Variants in SLC2A6 observed in about 807,000 individuals in gnomAD.
The protein encoded by SLC2A6 is solute carrier family 2, facilitated glucose transporter member 6.
A neutral mutation model predicts 47.8 loss-of-function variants in SLC2A6; 39 were observed. The ratio of observed to expected loss-of-function variants is 0.82; its 90% CI spans 0.63 to 1.07. The LOEUF (loss-of-function observed/expected upper bound fraction) is 1.07. SLC2A6 is among the 50% of genes least tolerant of loss of function. The pLI is 0.00. For synonymous variants in SLC2A6, 346 were observed against 324.1 expected, an observed-to-expected ratio of 1.07 and a Z score of -0.73; for missense variants, 650 against 707.6, an observed-to-expected ratio of 0.92 and a Z score of 0.92.
At chr9:133,478,675 G>C in intron 1 of SLC2A6, 1 of 592,730 alleles carries the variant, frequency 1.7e-6, no homozygotes, top group East Asian at 2.9e-5. Context: ...TGCCCCCAGG[G>C]CGGCGGCTGG....
intron 1 of SLC2A6, 120 bp from the exon 2 acceptor site, chr9:133,478,536 A>G (rs1186209318): frequency 3.6e-6 from 4 of 1,122,686 alleles, no homozygotes; most frequent in Non-Finnish European, 5.1e-6. Flanking sequence ...GCCTGGGTCC[A>G]AGGCCATTCA....
Position 133,473,566 on chromosome 9 carries a change from C to A in SLC2A6, c.1071G>T (p.Gly357=). 2 of 1,553,998 alleles carry A rather than the reference C, an allele frequency of 1.3e-6. No individual in the cohort carries two copies. Among genetic ancestry groups the A allele is most frequent in the Admixed American group, 1.9e-5 (1 of 51,618 alleles). Residue 357 remains glycine (G), a synonymous_variant, in exon 8 of 10, where the codon GGG becomes GGT. Transcript: ENST00000371899. ...AIMFAANLTL[G]LYIHFGPRPL... ...GCCTGGGGCCAAAGTGGATGTACAGCCCCAGAGTCAGGTTGGCAGCAAACA... is the reference window on the plus strand; with the variant it reads ...GCCTGGGGCCAAAGTGGATGTACAGACCCAGAGTCAGGTTGGCAGCAAACA...
intron 6 of SLC2A6, among the ~76,000 whole-genome samples, chr9:133,474,577 T>C (rs1037765110): frequency 6.6e-6 from 1 of 152,190 alleles, no homozygotes; most frequent in Non-Finnish European, 1.5e-5. Flanking sequence ...TTATTTAATT[T>C]TTAAAATTTC....
Position 133,478,666 on chromosome 9 carries a change from G to A in SLC2A6, c.93-250C>T, listed in dbSNP as rs929622787. On this transcript the variant is annotated intron_variant, in intron 1 of 9. Transcript: ENST00000371899. The stretch of plus-strand genomic sequence containing the variant: ...CTCCGGAAGAGGAGGCTCTGGTTCT[G>A]CCCCCAGGGCGGCGGCTGGAGGCTT... The A allele has an allele frequency of 5.0e-6, 3 of 595,180 alleles. No homozygotes were observed. In the South Asian group the frequency reaches 6.6e-5, roughly 13 times the overall value. 36.9% of individuals were successfully genotyped at this position (595,180 alleles called of 1,614,324 possible). A position where few individuals can be genotyped will look rare whatever the true frequency, so the allele number is the denominator to read the frequency against.
Position 133,474,041 on chromosome 9 carries a change from G to T in SLC2A6, c.975C>A (p.Ser325=). ...CCATGGTGAGGGCGGCGATCAGCAC[G>T]GACAGGAGCCGCACGGCCCCAACGA... The part of the protein sequence containing the change: ...AAIVGAVRLL[S]VLIAALTMDL... The change falls in exon 7 of 10, where the codon TCC becomes TCA. Residue 325 remains serine (S), a synonymous_variant. Coordinates refer to ENST00000371899, the MANE Select transcript of SLC2A6 (RefSeq NM_017585.4). The T allele has an allele frequency of 6.2e-7, 1 of 1,610,690 alleles. No individual in the cohort carries two copies. Among genetic ancestry groups the T allele is most frequent in the Non-Finnish European group, 8.5e-7 (1 of 1,179,028 alleles).
At chr9:133,472,233 C>T in intron 9 of SLC2A6, 57 bp from the exon 10 acceptor site, 1 of 1,591,170 alleles carries the variant, frequency 6.3e-7, no homozygotes, top group Non-Finnish European at 8.6e-7. Flanking sequence ...CCTCCTGCCC[C>T]AGAGGAGCTC....
intron 1 of SLC2A6, 78 bp from the exon 2 acceptor site, chr9:133,478,494 G>T: frequency 6.5e-7 from 1 of 1,543,406 alleles, no homozygotes; most frequent in Non-Finnish European, 8.9e-7. Context: ...TGAACCCAGT[G>T]GCTGCCCGGC....
chr9:133,472,220 G>A (rs1554801822), intron 9 of SLC2A6, 44 bp from the exon 10 acceptor site: 1 of 1,604,654 alleles, frequency 6.2e-7, no homozygotes, highest in Non-Finnish European at 8.5e-7. Context: ...GAAGCTCCAG[G>A]GTCCTCCTGC....
intron 1 of SLC2A6, 112 bp downstream of exon 1, chr9:133,478,856 C>A: frequency 1.1e-6 from 1 of 909,390 alleles, no homozygotes; most frequent in South Asian, 1.6e-5. Flanking sequence ...CCAGATGGCC[C>A]CTCGGTGGCG....
At position 133,473,215 on chromosome 9, in the gene SLC2A6, G is replaced by C. The variant is rs1049803496; in HGVS notation, c.1258C>G (p.Leu420Val). 6.3e-7 allele frequency: 1 copy of C among 1,596,834 alleles called. No individual in the cohort carries two copies. The highest frequency in any genetic ancestry group is 8.5e-7 in the Non-Finnish European group (1 of 1,172,718). ...CGCAGGGGCAGGACCTCAGACATGA[G>C]CAGCCAGGTGATGGGACCCCAGCCC... Reference protein sequence around the residue: ...AVGWGPITWLLMSEVLPLRAR... With the variant: ...AVGWGPITWLVMSEVLPLRAR... The change falls in exon 9 of 10, where the codon CTC becomes GTC. Residue 420 changes from leucine to valine, a missense_variant. Physicochemically the swap from Leu to Val is conservative, Grantham distance 32. Transcript: ENST00000371899.
At chr9:133,474,538 A>C (rs1209326057) in intron 6 of SLC2A6, among the ~76,000 whole-genome samples, 1 of 152,212 alleles carries the variant, frequency 6.6e-6, no homozygotes, top group Non-Finnish European at 1.5e-5. Context: ...GTTTCTATAA[A>C]GCTGGTTTCC....
chr9:133,477,196 T>C lies in SLC2A6; in HGVS notation c.301A>G (p.Ile101Val). 1 of 1,550,942 alleles carries C rather than the reference T, an allele frequency of 6.4e-7. No individual in the cohort carries two copies. Among genetic ancestry groups the C allele is most frequent in the South Asian group, 1.2e-5 (1 of 84,056 alleles). The change falls in exon 3 of 10, where the codon ATC becomes GTC. Residue 101 changes from isoleucine to valine, a missense_variant. Transcript: ENST00000371899. ...GAAAGGLSAM[I>V]LNDLLGRKLS... Reference sequence around the variant, plus strand: ...TTCCGGCCCAGGAGGTCGTTGAGGATCATGGCACTCAGGCCTCCGGCCGCT... The same window carrying C: ...TTCCGGCCCAGGAGGTCGTTGAGGACCATGGCACTCAGGCCTCCGGCCGCT...
Position 133,474,960 on chromosome 9 carries a change from C to A in SLC2A6, c.927+1G>T. 1 of 1,543,348 alleles carries A rather than the reference C, an allele frequency of 6.5e-7. No individual in the cohort carries two copies. Among genetic ancestry groups the A allele is most frequent in the Admixed American group, 1.9e-5 (1 of 51,308 alleles). On this transcript the variant is annotated splice_donor_variant, in intron 6 of 9. Transcript: ENST00000371899. LOFTEE classifies it high-confidence loss of function. ...GGCGCCGGCCGGGGCTGGGCTCTCA[C>A]CAGCAGGACAGCGGTGCTGTCGAAG...
chr9:133,477,329 C>T, intron 2 of SLC2A6, 88 bp from the exon 3 acceptor site: 5 of 1,327,998 alleles, frequency 3.8e-6, no homozygotes, highest in Non-Finnish European at 5.2e-6. Flanking sequence ...CTTCCCTAGG[C>T]CGACCCCAGG....
Position 133,473,169 on chromosome 9 carries a change from C to T in SLC2A6, c.1304G>A (p.Gly435Glu), listed in dbSNP as rs149937754. 3.1e-6 allele frequency: 5 copies of T among 1,610,962 alleles called. No homozygotes were observed. Among genetic ancestry groups the T allele is most frequent in the Non-Finnish European group, 3.4e-6 (4 of 1,179,286 alleles). ...LPLRARGVAS[G>E]LCVLASWLTA... is the part of the protein sequence containing the mutation. Reference sequence around the variant, plus strand: ...GAGCCAGCTGGCCAGCACGCAGAGCCCTGAGGCCACGCCACGGGCACGCAG... The same window carrying T: ...GAGCCAGCTGGCCAGCACGCAGAGCTCTGAGGCCACGCCACGGGCACGCAG... The change falls in exon 9 of 10, where the codon GGG (glycine) becomes GAG (glutamate). Residue 435 changes from glycine (G) to glutamate (E), a missense_variant. By Grantham distance (98) the Gly-to-Glu change is moderately conservative. Transcript: ENST00000371899.
chr9:133,473,460 A>G lies in SLC2A6; in HGVS notation c.1177T>C (p.Tyr393His). The G allele has an allele frequency of 6.2e-7, 1 of 1,606,184 alleles. No homozygotes were observed. Among genetic ancestry groups the G allele is most frequent in the Non-Finnish European group, 8.5e-7 (1 of 1,177,686 alleles). Reference sequence around the variant, plus strand: ...GCCAGCAGGGGCACCAGGGTGAGGTAGCCAGCGGGTGCTGCCAGGGGCTGC... The same window carrying G: ...GCCAGCAGGGGCACCAGGGTGAGGTGGCCAGCGGGTGCTGCCAGGGGCTGC... ...LAQPLAAPAG[Y>H]LTLVPLLATM... Residue 393 changes from tyrosine to histidine, a missense_variant, in exon 8 of 10, where the codon TAC becomes CAC. Tyr to His is a moderately conservative substitution (Grantham distance 83). Transcript: ENST00000371899.
intron 9 of SLC2A6, among the ~76,000 whole-genome samples, chr9:133,472,525 G>A (rs918409895): frequency 2.0e-5 from 3 of 152,142 alleles, no homozygotes; most frequent in African/African-American, 4.8e-5. Context: ...GGGCACGCAG[G>A]TTCTTCTTGG....
chr9:133,472,192 G>C lies in SLC2A6; in HGVS notation c.1369-16C>G, dbSNP rs371071886. On this transcript the variant is annotated splice_polypyrimidine_tract_variant and intron_variant, in intron 9 of 9. Coordinates refer to ENST00000371899, the MANE Select transcript of SLC2A6 (RefSeq NM_017585.4). ...CGAAGGTGCTCTGCGGGTGAAGAGC[G>C]GGGCCGGGTCACAGGGAGAAGCTCC... 5.6e-5 allele frequency: 91 copies of C among 1,611,044 alleles called. 1 individual carries two copies. In the Admixed American group the frequency reaches 1.5e-3, roughly 26 times the overall value.
intron 6 of SLC2A6, among the ~76,000 whole-genome samples, chr9:133,474,691 C>A (rs74445877): frequency 1.1e-4 from 17 of 152,314 alleles, no homozygotes; most frequent in Admixed American, 3.3e-4. Flanking sequence ...GTGATCCTCC[C>A]GCCTTGGCCT....
Sources: allele counts gnomAD v4.1 joint callset (sites outside exome capture counted in the v4.1 genomes callset), GRCh38; gene constraint gnomAD v4.1.1; transcripts MANE v1.5; gene names NCBI Gene and HGNC (gene_info 2026-07-23, HGNC 2026-07-21).